CCSAP: variants seen among roughly 807,000 people sequenced by gnomAD.
The protein encoded by CCSAP is centriole, cilia and spindle-associated protein.
A neutral mutation model predicts 25.9 loss-of-function variants in CCSAP; 17 were observed. The ratio of observed to expected loss-of-function variants is 0.66; its 90% CI spans 0.45 to 0.99. CCSAP has a LOEUF of 0.99. Ranked by LOEUF, CCSAP falls within the 50% of genes least tolerant of loss-of-function variation. The pLI, the probability that CCSAP is intolerant of heterozygous loss-of-function variation, is 0.00. For synonymous variants in CCSAP, 169 were observed against 157.1 expected (o/e 1.08, Z -0.57); for missense variants, 339 against 367.8 (o/e 0.92, Z 0.64).
In CCSAP at chr1:229,342,351, G is replaced by T; in HGVS notation, c.115C>A (p.Leu39Met). The change falls in exon 2 of 4, where the codon CTG becomes ATG. Residue 39 changes from leucine to methionine, a missense_variant. Physicochemically the swap from Leu to Met is conservative, Grantham distance 15. Transcript: ENST00000284617. The surrounding 1 kb of genome is among the most constrained non-coding windows in gnomAD (Gnocchi z 7.5). The part of the protein sequence containing the change: ...ELLHYRLGRR[L>M]LEQAHAPWLW... ...CAGGGCGCGTGCGCCTGCTCCAGCA[G>T]CCGGCGGCCTAGGCGGTAGTGCAGC... is the stretch of plus-strand genomic sequence containing the variant. 1 of 1,507,984 alleles carries T rather than the reference G, an allele frequency of 6.6e-7. No individual in the cohort carries two copies. Among genetic ancestry groups the T allele is most frequent in the South Asian group, 1.2e-5 (1 of 80,054 alleles). 93.4% of individuals were successfully genotyped at this position (1,507,984 alleles called of 1,614,324 possible).
chr1:229,341,551 G>C (rs1658335180), intron 2 of CCSAP, among the ~76,000 whole-genome samples: 1 of 152,190 alleles, frequency 6.6e-6, no homozygotes, highest in Non-Finnish European at 1.5e-5. Flanking sequence ...CACTTATAAA[G>C]ATGCTCTCAC....
At position 229,325,224 on chromosome 1, in the gene CCSAP, C is replaced by A; in HGVS notation, c.*11G>T. The A allele has an allele frequency of 6.3e-7, 1 of 1,583,404 alleles. No individual in the cohort carries two copies. Among genetic ancestry groups the A allele is most frequent in the Non-Finnish European group, 8.5e-7 (1 of 1,169,642 alleles). The stretch of plus-strand genomic sequence containing the variant: ...CACTTTTTAAAAGAGGCTGTCCACG[C>A]AAGTGTTTCTTTAAGCTCTTGCCGA... On this transcript the variant is annotated 3_prime_UTR_variant, in exon 4 of 4. Coordinates refer to ENST00000284617, the MANE Select transcript of CCSAP (RefSeq NM_145257.5).
At chr1:229,325,898 G>A (rs1328445444) in intron 3 of CCSAP, among the ~76,000 whole-genome samples, 1 of 152,184 alleles carries the variant, frequency 6.6e-6, no homozygotes, top group African/African-American at 2.4e-5. Context: ...GGACTTCTTA[G>A]AGATCTTTTG....
chr1:229,330,094 G>A (rs237810), intron 2 of CCSAP, among the ~76,000 whole-genome samples: 89,582 of 144,362 alleles, frequency 0.62, 27,552 homozygotes, highest in Non-Finnish European at 0.64. Flanking sequence ...GGACCCTCCA[G>A]AGCAGACAGC....
chr1:229,325,468 A>G (rs1657918983), intron 3 of CCSAP, 57 bp from the exon 4 acceptor site: 4 of 1,529,682 alleles, frequency 2.6e-6, no homozygotes, highest in Non-Finnish European at 3.5e-6. Context: ...ACTAATGTTC[A>G]ACAGAGGTTG....
chr1:229,342,124 C>T lies in CCSAP; in HGVS notation c.342G>A (p.Glu114=), dbSNP rs1392696031. The T allele has an allele frequency of 9.7e-6, 13 of 1,344,450 alleles. No individual in the cohort carries two copies. The highest frequency in any genetic ancestry group is 1.5e-5 in the African/African-American group (1 of 66,000). The allele number at this position is 1,344,450 out of a possible 1,614,324, so 83.3% of individuals were successfully genotyped here. ...QDAEAGDAEA[E]DAEDAALPAL... is the part of the protein sequence containing the mutation. ...CTGGCAGAGCCGCGTCCTCCGCGTC[C>T]TCGGCCTCCGCGTCCCCGGCCTCCG... is the stretch of plus-strand genomic sequence containing the variant. The change falls in exon 2 of 4, where the codon GAG becomes GAA. Residue 114 remains glutamate (E), a synonymous_variant. Transcript: ENST00000284617. This position sits in a 1 kb window ranked among gnomAD's most constrained non-coding sequence, Gnocchi z 7.5.
intron 2 of CCSAP, among the ~76,000 whole-genome samples, chr1:229,335,936 A>G (rs990794067): frequency 1.3e-5 from 2 of 152,134 alleles, no homozygotes; most frequent in Non-Finnish European, 2.9e-5. Flanking sequence ...AATAAATAAA[A>G]AATAATACAA....
intron 2 of CCSAP, among the ~76,000 whole-genome samples, chr1:229,332,352 T>C (rs931396167): frequency 6.6e-6 from 1 of 151,814 alleles, no homozygotes; most frequent in Non-Finnish European, 1.5e-5. Context: ...GACCTGATGC[T>C]ATCTCCAGGC....
intron 2 of CCSAP, among the ~76,000 whole-genome samples, chr1:229,338,160 T>C (rs904608631): frequency 6.6e-6 from 1 of 152,032 alleles, no homozygotes; most frequent in African/African-American, 2.4e-5. Flanking sequence ...GGGGGTAGAA[T>C]AGGGAAGGCA....
At position 229,342,125 on chromosome 1, in the gene CCSAP, TCGGCCTCCGCGTCCC is replaced by T. The variant is rs1434069537; in HGVS notation, c.326_340del (p.Gly109_Ala113del). 1.1e-4 allele frequency: 149 copies of T among 1,343,116 alleles called. No individual in the cohort carries two copies. The highest frequency in any genetic ancestry group is 6.7e-4 in the African/African-American group (44 of 66,074). The allele number at this position is 1,343,116 out of a possible 1,614,324, so 83.2% of individuals were successfully genotyped here. A position where few individuals can be genotyped will look rare whatever the true frequency, so the allele number is the denominator to read the frequency against. Reference sequence around the variant, plus strand: ...TGGCAGAGCCGCGTCCTCCGCGTCCTCGGCCTCCGCGTCCCCGGCCTCCGCGTCCTGCTCCTCCGG... The same window carrying T: ...TGGCAGAGCCGCGTCCTCCGCGTCCTCGGCCTCCGCGTCCTGCTCCTCCGG... On this transcript the variant is annotated inframe_deletion, in exon 2 of 4. Coordinates refer to ENST00000284617, the MANE Select transcript of CCSAP (RefSeq NM_145257.5). The surrounding 1 kb of genome is among the most constrained non-coding windows in gnomAD (Gnocchi z 7.5).
In CCSAP at chr1:229,325,405, C is replaced by T. The variant is rs1004486800; in HGVS notation, c.643G>A (p.Glu215Lys). Residue 215 changes from glutamate (E) to lysine (K), a missense_variant, in exon 4 of 4, where the codon GAA becomes AAA. Glu to Lys is a moderately conservative substitution (Grantham distance 56, BLOSUM62 1). Coordinates refer to ENST00000284617, the MANE Select transcript of CCSAP (RefSeq NM_145257.5). ...CTGTTCTTGGCTCGTAATGCTGATT[C>T]ATGAATCTAAAGAGAGTTCAAAATA... ...CASAPVHEIH[E>K]SALRAKNRRQ... The T allele has an allele frequency of 6.2e-7, 1 of 1,612,612 alleles. No homozygotes were observed. The highest frequency in any genetic ancestry group is 8.5e-7 in the Non-Finnish European group (1 of 1,179,654).
At chr1:229,326,456 A>C (rs537037387) in intron 3 of CCSAP, among the ~76,000 whole-genome samples, 24 of 152,286 alleles carry the variant, frequency 1.6e-4, no homozygotes, top group African/African-American at 5.8e-4. Flanking sequence ...GAACTTGTGA[A>C]CCCCAACTCC....
At chr1:229,335,033 G>T (rs1658165047) in intron 2 of CCSAP, among the ~76,000 whole-genome samples, 1 of 152,208 alleles carries the variant, frequency 6.6e-6, no homozygotes, top group Admixed American at 6.5e-5. Context: ...AATCACATGA[G>T]CCAGATGTGG....
intron 2 of CCSAP, among the ~76,000 whole-genome samples, chr1:229,333,014 G>T (rs1027475733): frequency 1.3e-5 from 2 of 152,000 alleles, no homozygotes; most frequent in Non-Finnish European, 2.9e-5. Flanking sequence ...CATATCCAAG[G>T]CCATAAAGAA....
In CCSAP at chr1:229,326,982, T is replaced by C; in HGVS notation, c.392A>G (p.Asp131Gly). 1 of 1,609,564 alleles carries C rather than the reference T, an allele frequency of 6.2e-7. No individual in the cohort carries two copies. The highest frequency in any genetic ancestry group is 1.3e-5 in the African/African-American group (1 of 74,816). The change falls in exon 3 of 4, where the codon GAT becomes GGT. Residue 131 changes from aspartate to glycine, a missense_variant. Asp to Gly is a moderately conservative substitution (Grantham distance 94, BLOSUM62 -1). Coordinates refer to ENST00000284617, the MANE Select transcript of CCSAP (RefSeq NM_145257.5). The part of the protein sequence containing the change: ...LPALPVKDVE[D>G]KPEQQTRTRE... ...TGTTCTGGTTTGTTGTTCAGGTTTA[T>C]CTTCTACATCTTTCACTGGCAGTGC...
chr1:229,341,193 C>CAAAAAAAA (rs71561730), intron 2 of CCSAP, among the ~76,000 whole-genome samples: 5,224 of 90,480 alleles, frequency 0.058, 331 homozygotes, highest in African/African-American at 0.085. Flanking sequence ...GACTCCGTCT[C>CAAAAAAAA]AAAAAAAAAA....
intron 2 of CCSAP, among the ~76,000 whole-genome samples, chr1:229,335,310 C>A (rs957188468): frequency 2.0e-5 from 3 of 151,976 alleles, no homozygotes; most frequent in African/African-American, 7.2e-5. Flanking sequence ...CAGACTGAGA[C>A]CCTGTCTCAA....
intron 2 of CCSAP, among the ~76,000 whole-genome samples, chr1:229,340,924 G>A (rs889019869): frequency 6.6e-6 from 1 of 152,178 alleles, no homozygotes; most frequent in Non-Finnish European, 1.5e-5. Flanking sequence ...GGCCGGGCAT[G>A]GTGGCTCACT....
At chr1:229,336,094 T>A (rs914880597) in intron 2 of CCSAP, among the ~76,000 whole-genome samples, 8 of 149,582 alleles carry the variant, frequency 5.3e-5, no homozygotes, top group Non-Finnish European at 1.0e-4. Flanking sequence ...CCATTTTATA[T>A]AGGGACTTGA....
Sources: gnomAD v4.1 joint callset for allele counts (sites outside exome capture counted in the v4.1 genomes callset) on GRCh38, gnomAD v4.1.1 for gene constraint, Gnocchi (gnomAD v3.1) non-coding constraint, MANE v1.5 for transcripts, NCBI Gene and HGNC (gene_info 2026-07-23, HGNC 2026-07-21) for gene names.